SQSTM1: variants seen among roughly 807,000 people sequenced by gnomAD.
SQSTM1 encodes the protein sequestosome 1, also known as sequestosome-1.
SQSTM1 carries 36 observed loss-of-function variants against 45.1 expected under a neutral mutation model. The ratio of observed to expected loss-of-function variants is 0.80; its 90% CI spans 0.61 to 1.05. The LOEUF (loss-of-function observed/expected upper bound fraction) is 1.05. Ranked by LOEUF, SQSTM1 falls within the 50% of genes least tolerant of loss-of-function variation. SQSTM1 has a pLI of 0.00. For missense variants in SQSTM1, 617 were observed against 607.1 expected (o/e 1.02, Z -0.17); for synonymous variants, 290 against 244.3 (o/e 1.19, Z -1.74).
At chr5:179,816,064 C>T (rs111659160), upstream of SQSTM1, among the ~76,000 whole-genome samples, 110 of 152,182 alleles carry the variant, frequency 7.2e-4, no homozygotes, top group African/African-American at 2.3e-3. Flanking sequence ...TGGGGGACTG[C>T]GGTAAGTACC....
At chr5:179,809,486 G>A (rs920537209) in intron 1 of SQSTM1, among the ~76,000 whole-genome samples, 6 of 151,436 alleles carry the variant, frequency 4.0e-5, no homozygotes, top group South Asian at 2.1e-4. Context: ...ACAGGTGCAC[G>A]GCACCAAGCC....
chr5:179,823,416 A>G (rs1137043), intron 2 of SQSTM1: 115,381 of 262,490 alleles, frequency 0.44, 28,528 homozygotes, highest in East Asian at 0.79. Context: ...ATGAGCCGAA[A>G]TCACATGACT....
In SQSTM1 at chr5:179,837,963, CCT is replaced by C; in HGVS notation, c.*1371_*1372del. 1.4e-6 allele frequency: 2 copies of C among 1,422,430 alleles called. No homozygotes were observed. The highest frequency in any genetic ancestry group is 1.9e-6 in the Non-Finnish European group (2 of 1,053,336). 88.1% of individuals were successfully genotyped at this position (1,422,430 alleles called of 1,614,324 possible). On this transcript the variant is annotated 3_prime_UTR_variant, in exon 8 of 8. Coordinates refer to ENST00000389805, the MANE Select transcript of SQSTM1 (RefSeq NM_003900.5). Reference sequence around the variant, plus strand: ...AGGAGGACCGCCTGCCCTGCCTGGGCCTTGGCTGGGCCTCTGGTTCTGACACT... The same window carrying C: ...AGGAGGACCGCCTGCCCTGCCTGGGCTGGCTGGGCCTCTGGTTCTGACACT...
chr5:179,812,224 C>G (rs1757448624), intron 2 of SQSTM1: 1 of 152,314 alleles, frequency 6.6e-6, no homozygotes, highest in Non-Finnish European at 1.5e-5. Context: ...GGGCACAGTT[C>G]CAGTGCAAAT....
chr5:179,835,711 T>C (rs1341746920), intron 7 of SQSTM1: 2 of 155,656 alleles, frequency 1.3e-5, no homozygotes, highest in East Asian at 1.9e-4. Context: ...ATCATTCTTA[T>C]GTCTTTGCAT....
intron 1 of SQSTM1, among the ~76,000 whole-genome samples, chr5:179,809,457 C>T (rs1489915971): frequency 6.8e-6 from 1 of 147,952 alleles, no homozygotes; most frequent in Non-Finnish European, 1.5e-5. Context: ...CTGCCTCATC[C>T]TCCTGAGTAG....
At chr5:179,822,772 A>G in intron 1 of SQSTM1, 186 bp from the exon 2 acceptor site, 1 of 676,606 alleles carries the variant, frequency 1.5e-6, no homozygotes, top group Non-Finnish European at 2.7e-6. Context: ...CGGAGCACTC[A>G]CCTTCCAGGA....
chr5:179,820,788 C>T, upstream of SQSTM1: 1 of 716,378 alleles, frequency 1.4e-6, no homozygotes, highest in Non-Finnish European at 2.1e-6. Context: ...TGCAGGGCGG[C>T]TCTCGCGCCG....
At chr5:179,833,508 T>C in intron 6 of SQSTM1, 79 bp from the exon 7 acceptor site, 2 of 1,507,498 alleles carry the variant, frequency 1.3e-6, no homozygotes, top group South Asian at 2.3e-5. Flanking sequence ...TCCCCGACTG[T>C]CTGCCAGGAG....
chr5:179,832,716 A>T (rs1758283354), intron 5 of SQSTM1, among the ~76,000 whole-genome samples: 1 of 152,126 alleles, frequency 6.6e-6, no homozygotes. Context: ...GGAGAAAGAG[A>T]AAGGTCCAGT....
intron 1 of SQSTM1, among the ~76,000 whole-genome samples, chr5:179,822,170 A>G (rs1757808225): frequency 6.6e-6 from 1 of 152,188 alleles, no homozygotes; most frequent in South Asian, 2.1e-4. Context: ...AATCCTGGAC[A>G]TTTCATGTAA....
intron 2 of SQSTM1, 40 bp from the exon 3 acceptor site, chr5:179,823,818 G>C (rs1475743790): frequency 6.3e-7 from 1 of 1,598,718 alleles, no homozygotes; most frequent in African/African-American, 1.3e-5. Context: ...GAGGACTTTA[G>C]GGGGTCCCAC....
rs541117300 is a variant in SQSTM1 at position 179,836,318 on chromosome 5, G to A, written c.1166-118G>A. The A allele has an allele frequency of 5.1e-6, 7 of 1,382,216 alleles. No individual in the cohort carries two copies. The African/African-American group carries it at 7.1e-5, about 14-fold the overall frequency. The allele number at this position is 1,382,216 out of a possible 1,614,324, so 85.6% of individuals were successfully genotyped here. On this transcript the variant is annotated intron_variant, in intron 7 of 7. Transcript: ENST00000389805. ...TGTGGCCTGTGAGGACGAGAGCTCTGGGCAGGCTCGGACACTGGCAGACCC... is the reference window on the plus strand; with the variant it reads ...TGTGGCCTGTGAGGACGAGAGCTCTAGGCAGGCTCGGACACTGGCAGACCC...
Position 179,825,360 on chromosome 5 carries a change from C to T in SQSTM1, c.754+134C>T, listed in dbSNP as rs56225166. ...TGAGGATTTGTTGCCTCAAATCAAC[C>T]TTTAGTAGTGCTGGACCACGGGCAA... On this transcript the variant is annotated intron_variant, in intron 5 of 7. Transcript: ENST00000389805. 2,584 of 819,880 alleles carry T rather than the reference C, an allele frequency of 3.2e-3. 53 individuals are homozygous for T. In the African/African-American group the frequency reaches 0.038, roughly 12 times the overall value. 50.8% of individuals were successfully genotyped at this position (819,880 alleles called of 1,614,324 possible). A position where few individuals can be genotyped will look rare whatever the true frequency, so the allele number is the denominator to read the frequency against.
chr5:179,821,368 C>G (rs1053479066), intron 1 of SQSTM1, among the ~76,000 whole-genome samples: 1 of 152,260 alleles, frequency 6.6e-6, no homozygotes, highest in African/African-American at 2.4e-5. Context: ...TCAGCGTCGG[C>G]CCCCTGGGGC....
chr5:179,834,661 T>C (rs1391658317), intron 7 of SQSTM1, among the ~76,000 whole-genome samples: 2 of 152,006 alleles, frequency 1.3e-5, no homozygotes, highest in Non-Finnish European at 2.9e-5. Flanking sequence ...AAAGCACATC[T>C]TGCACCGCCC....
chr5:179,806,598 G>A lies in SQSTM1; in HGVS notation c.-157+7G>A. ...CGGAGCCTCATCTCCTCGGGTGCGCGGCGGGCGCCCGCGGGGCCGAGGCTG... is the reference window on the plus strand; with the variant it reads ...CGGAGCCTCATCTCCTCGGGTGCGCAGCGGGCGCCCGCGGGGCCGAGGCTG... On this transcript the variant is annotated splice_region_variant and intron_variant, in intron 1 of 5. Coordinates refer to the SQSTM1 transcript ENST00000514093. This position sits in a 1 kb window ranked among gnomAD's most constrained non-coding sequence, Gnocchi z 4.6. 1.6e-6 allele frequency: 2 copies of A among 1,234,666 alleles called. No individual in the cohort carries two copies. The highest frequency in any genetic ancestry group is 1.7e-5 in the South Asian group (1 of 58,214). The allele number at this position is 1,234,666 out of a possible 1,614,324, so 76.5% of individuals were successfully genotyped here.
Position 179,837,251 on chromosome 5 carries a change from C to T in SQSTM1, c.*658C>T, listed in dbSNP as rs1344979922. 4 of 1,603,524 alleles carry T rather than the reference C, an allele frequency of 2.5e-6. No homozygotes were observed. Among genetic ancestry groups the T allele is most frequent in the African/African-American group, 1.3e-5 (1 of 74,856 alleles). On this transcript the variant is annotated 3_prime_UTR_variant, in exon 8 of 8. Transcript: ENST00000389805. ...TAATTAAATGGCATCAGCACTTTAA[C>T]CAATGACGTTTGCATAGAGAGAAAT...
At chr5:179,821,785 G>GT (rs1757790610) in intron 1 of SQSTM1, 1 of 314,438 alleles carries the variant, frequency 3.2e-6, no homozygotes, top group African/African-American at 2.4e-5. Flanking sequence ...CAGAAGCCCT[G>GT]TTTCCTGCTG....
Sources: gnomAD v4.1 joint callset for allele counts (sites outside exome capture counted in the v4.1 genomes callset) on GRCh38, gnomAD v4.1.1 for gene constraint, Gnocchi (gnomAD v3.1) non-coding constraint, MANE v1.5 for transcripts, NCBI Gene and HGNC (gene_info 2026-07-23, HGNC 2026-07-21) for gene names.